ZFHX3: variants seen among roughly 807,000 people sequenced by gnomAD.
ZFHX3 encodes the protein zinc finger homeobox 3.
A neutral mutation model predicts 279.1 loss-of-function variants in ZFHX3; 42 were observed. The observed-to-expected ratio is 0.15, with a 90% confidence interval of 0.12 to 0.19. ZFHX3 has a LOEUF of 0.19. Ranked by LOEUF, ZFHX3 falls within the 10% of genes least tolerant of loss-of-function variation. The pLI is 1.00. For synonymous variants in ZFHX3, 2,293 were observed against 1,957.8 expected, an observed-to-expected ratio of 1.17 and a Z score of -4.52; for missense variants, 4,981 against 4,754.0, an observed-to-expected ratio of 1.05 and a Z score of -1.40.
rs1263885778 is a variant in ZFHX3 at position 72,795,277 on chromosome 16, G to C, written c.7405C>G (p.Gln2469Glu). 3 of 1,613,632 alleles carry C rather than the reference G, an allele frequency of 1.9e-6. No individual in the cohort carries two copies. In the South Asian group the frequency reaches 3.3e-5, roughly 18 times the overall value. ...AGGGACACCAGCTGGGGGAGCTTCT[G>C]CTGGGGAGTGTTGGTCTTCTGCTCG... The part of the protein sequence containing the change: ...QPEQKTNTPQ[Q>E]KLPQLVSLPS... Residue 2469 changes from glutamine to glutamate, a missense_variant, in exon 9 of 10, where the codon CAG (glutamine) becomes GAG (glutamate). Gln to Glu is a conservative substitution (Grantham distance 29). Transcript: ENST00000268489.
intron 1 of ZFHX3, among the ~76,000 whole-genome samples, chr16:72,978,291 C>T (rs975284365): frequency 6.6e-6 from 1 of 152,142 alleles, no homozygotes; most frequent in Non-Finnish European, 1.5e-5. Flanking sequence ...ATTTTTATTT[C>T]CTATTACCCT....
chr16:73,133,898 C>T (rs145701612), intron 6 of ZFHX3, among the ~76,000 whole-genome samples: 14 of 152,258 alleles, frequency 9.2e-5, no homozygotes, highest in African/African-American at 2.9e-4. Context: ...ATATGGGATT[C>T]GTACCTGGAG....
intron 4 of ZFHX3, among the ~76,000 whole-genome samples, chr16:72,859,411 C>T (rs117647724): frequency 6.6e-5 from 10 of 152,216 alleles, no homozygotes; most frequent in African/African-American, 1.9e-4. Flanking sequence ...CCAGAGAGGC[C>T]GCAAGGGGGC....
intron 2 of ZFHX3, among the ~76,000 whole-genome samples, chr16:73,545,841 C>T (rs1246522728): frequency 6.6e-6 from 1 of 151,912 alleles, no homozygotes; most frequent in Non-Finnish European, 1.5e-5. Context: ...AAACTGCAGC[C>T]CAGCAGATCC....
intron 2 of ZFHX3, among the ~76,000 whole-genome samples, chr16:72,953,852 C>T (rs1961115720): frequency 6.6e-6 from 1 of 152,160 alleles, no homozygotes; most frequent in South Asian, 2.1e-4. Flanking sequence ...CAGGCATGAG[C>T]CACCATGCCT....
At chr16:73,108,984 T>C (rs4482318) in intron 7 of ZFHX3, among the ~76,000 whole-genome samples, 94,183 of 152,034 alleles carry the variant, frequency 0.62, 29,750 homozygotes, top group African/African-American at 0.73. Flanking sequence ...GCTAACAAGC[T>C]GATAGGCACT....
intron 1 of ZFHX3, among the ~76,000 whole-genome samples, chr16:73,843,125 C>T (rs1597140124): frequency 6.6e-6 from 1 of 152,290 alleles, no homozygotes; most frequent in South Asian, 2.1e-4. Context: ...AAACATTGTG[C>T]TTAATTGTTT....
intron 8 of ZFHX3, among the ~76,000 whole-genome samples, chr16:73,068,983 G>C (rs919299270): frequency 6.6e-6 from 1 of 152,212 alleles, no homozygotes; most frequent in Admixed American, 6.5e-5. Flanking sequence ...CCCTTTGGGC[G>C]CAACTGCACA....
chr16:73,523,539 A>C (rs2019642022), intron 2 of ZFHX3, among the ~76,000 whole-genome samples: 1 of 151,852 alleles, frequency 6.6e-6, no homozygotes, highest in Non-Finnish European at 1.5e-5. Context: ...AGCCTTGCAA[A>C]TGGCCCCTCA....
rs559246378 is a variant in ZFHX3, at chr16:73,017,534, A to G, written c.-50+30218T>C. Reference sequence around the variant, plus strand: ...TCTCCAGCACTCACCTGGGCTCCCCACCAATGTCTTGGCTGCCGTCACGAC... The same window carrying G: ...TCTCCAGCACTCACCTGGGCTCCCCGCCAATGTCTTGGCTGCCGTCACGAC... On this transcript the variant is annotated intron_variant, in intron 1 of 9. Coordinates refer to ENST00000268489, the MANE Select transcript of ZFHX3 (RefSeq NM_006885.4). Among the ~76,000 whole-genome samples, 8 of 152,166 alleles carry G rather than the reference A, an allele frequency of 5.3e-5. No homozygotes were observed. In the East Asian group the frequency reaches 1.5e-3, roughly 29 times the overall value.
intron 1 of ZFHX3, among the ~76,000 whole-genome samples, chr16:73,843,550 C>T (rs929606332): frequency 6.6e-6 from 1 of 152,208 alleles, no homozygotes; most frequent in Non-Finnish European, 1.5e-5. Flanking sequence ...ACCAACTTAA[C>T]ACATATTCCA....
chr16:73,592,809 C>T (rs927101194), intron 2 of ZFHX3, among the ~76,000 whole-genome samples: 12 of 149,218 alleles, frequency 8.0e-5, no homozygotes, highest in Non-Finnish European at 1.3e-4. Context: ...TTGAAAAAAA[C>T]GCAGAGGAAT....
At chr16:73,296,877 A>ATTTTTTTTTTTTTTTTTTT (rs201366558) in intron 4 of ZFHX3, among the ~76,000 whole-genome samples, 3 of 116,086 alleles carry the variant, frequency 2.6e-5, no homozygotes, top group African/African-American at 1.0e-4. Context: ...TGAAGCAGGA[A>ATTTTTTTTTTTTTTTTTTT]TTTTTTTTTT....
chr16:73,751,253 C>G (rs528382780), intron 1 of ZFHX3, among the ~76,000 whole-genome samples: 33 of 152,194 alleles, frequency 2.2e-4, no homozygotes, highest in Non-Finnish European at 4.1e-4. Flanking sequence ...GTTTATTCAA[C>G]AAGTACTCAG....
At chr16:73,444,047 C>T (rs1277955185) in intron 3 of ZFHX3, among the ~76,000 whole-genome samples, 2 of 152,230 alleles carry the variant, frequency 1.3e-5, no homozygotes, top group Non-Finnish European at 2.9e-5. Context: ...AGGCGTGAGC[C>T]ACCACGCCAA....
rs2035370633 is a variant in ZFHX3, at chr16:72,786,401, GT to G, written c.*762del. On this transcript the variant is annotated 3_prime_UTR_variant, in exon 10 of 10. Coordinates refer to ENST00000268489, the MANE Select transcript of ZFHX3 (RefSeq NM_006885.4). ...GCTACAAGTCCTCAACACTCTTTGT[GT>G]GTGTGGGTTATTATTTTTTTTTTTT... The G allele has an allele frequency of 2.7e-5, 4 of 150,418 alleles. No individual in the cohort carries two copies. In the Admixed American group the frequency reaches 2.7e-4, roughly 10 times the overall value. 9.3% of individuals were successfully genotyped at this position (150,418 alleles called of 1,614,324 possible).
intron 7 of ZFHX3, among the ~76,000 whole-genome samples, chr16:72,806,356 T>C (rs868106888): frequency 1.3e-5 from 2 of 152,178 alleles, no homozygotes; most frequent in Non-Finnish European, 2.9e-5. Flanking sequence ...TGAAGAGTTA[T>C]ACACGTGTGC....
At chr16:73,694,096 G>A (rs2053173601) in intron 1 of ZFHX3, among the ~76,000 whole-genome samples, 2 of 152,022 alleles carry the variant, frequency 1.3e-5, no homozygotes, top group Non-Finnish European at 1.5e-5. Flanking sequence ...GCCAAGGCAG[G>A]CAAATCACTT....
intron 1 of ZFHX3, among the ~76,000 whole-genome samples, chr16:73,702,743 G>A (rs180886690): frequency 6.6e-6 from 1 of 152,022 alleles, no homozygotes; most frequent in African/African-American, 2.4e-5. Context: ...AAATTCAATT[G>A]AATTTTCTAA....
Sources: gnomAD v4.1 joint callset for allele counts (sites outside exome capture counted in the v4.1 genomes callset) on GRCh38, gnomAD v4.1.1 for gene constraint, MANE v1.5 for transcripts, NCBI Gene and HGNC (gene_info 2026-07-23, HGNC 2026-07-21) for gene names.